Variants in MAN1C1 observed in about 807,000 individuals in gnomAD.
MAN1C1 encodes the protein mannosidase alpha class 1C member 1, also known as mannosyl-oligosaccharide 1,2-alpha-mannosidase IC.
Under a neutral mutation model 71.5 loss-of-function variants are expected in MAN1C1, and 49 were observed. That is an observed-to-expected ratio of 0.69 (90% CI 0.54 to 0.87). The LOEUF (loss-of-function observed/expected upper bound fraction) is 0.87, where lower values mean the gene tolerates loss of function less well. Ranked by LOEUF, MAN1C1 falls within the 40% of genes least tolerant of loss-of-function variation. The pLI is 0.00. For missense variants in MAN1C1, 743 were observed against 835.0 expected (o/e 0.89, Z 1.36); for synonymous variants, 352 against 343.7 (o/e 1.02, Z -0.27).
intron 1 of MAN1C1, among the ~76,000 whole-genome samples, chr1:25,650,427 G>A (rs542296516): frequency 2.2e-4 from 34 of 152,260 alleles, no homozygotes; most frequent in African/African-American, 7.9e-4. Flanking sequence ...TTGCTCTTCT[G>A]AGGCTGCTGC....
intron 7 of MAN1C1, among the ~76,000 whole-genome samples, chr1:25,767,931 C>T (rs2047468020): frequency 1.1e-5 from 1 of 94,800 alleles, no homozygotes; most frequent in Non-Finnish European, 2.2e-5. Context: ...CCACACAGAC[C>T]CACACACCCA....
At chr1:25,706,384 A>T (rs2046522389) in intron 2 of MAN1C1, among the ~76,000 whole-genome samples, 1 of 152,210 alleles carries the variant, frequency 6.6e-6, no homozygotes, top group African/African-American at 2.4e-5. Flanking sequence ...CTAGGGAACC[A>T]TCCAGAGACG....
At chr1:25,712,851 C>T (rs1305459336) in intron 2 of MAN1C1, among the ~76,000 whole-genome samples, 1 of 152,082 alleles carries the variant, frequency 6.6e-6, no homozygotes, top group Non-Finnish European at 1.5e-5. Flanking sequence ...TGGGGCTGGG[C>T]TCAGGAAAAT....
intron 1 of MAN1C1, among the ~76,000 whole-genome samples, chr1:25,633,114 G>C (rs147888181): frequency 1.5e-3 from 227 of 152,112 alleles, no homozygotes; most frequent in African/African-American, 5.2e-3. Flanking sequence ...ATCCACCATC[G>C]TTGGTCTCCC....
At chr1:25,684,085 G>A (rs1167943631) in intron 1 of MAN1C1, among the ~76,000 whole-genome samples, 2 of 152,080 alleles carry the variant, frequency 1.3e-5, no homozygotes, top group Non-Finnish European at 2.9e-5. Context: ...TCTCTCTCTA[G>A]GTAGGGGGAA....
intron 1 of MAN1C1, among the ~76,000 whole-genome samples, chr1:25,633,549 TCAC>T (rs1557741431): frequency 4.7e-5 from 7 of 148,026 alleles, no homozygotes; most frequent in African/African-American, 5.1e-5. Flanking sequence ...TTTTTTTTTT[TCAC>T]TGTTGTTGCT....
intron 1 of MAN1C1, among the ~76,000 whole-genome samples, chr1:25,661,619 A>T (rs2045850340): frequency 1.3e-5 from 2 of 152,268 alleles, no homozygotes; most frequent in South Asian, 4.2e-4. Context: ...CATAGCTGGG[A>T]ACTCGAGACT....
chr1:25,779,543 A>G lies in MAN1C1; in HGVS notation c.1477+1219A>G, dbSNP rs2047665970. ...CCATAAACAAATAAGAAATCTCAGG[A>G]CTAATAAAAGGCTCGCTATTTGTCT... On this transcript the variant is annotated intron_variant, in intron 9 of 11. Coordinates refer to ENST00000374332, the MANE Select transcript of MAN1C1 (RefSeq NM_020379.4). This position sits in a 1 kb window ranked among gnomAD's most constrained non-coding sequence, Gnocchi z 4.6. Among the ~76,000 whole-genome samples, 1 of 152,234 alleles carries G rather than the reference A, an allele frequency of 6.6e-6. No homozygotes were observed. Among genetic ancestry groups the G allele is most frequent in the Non-Finnish European group, 1.5e-5 (1 of 68,042 alleles).
intron 1 of MAN1C1, among the ~76,000 whole-genome samples, chr1:25,665,750 G>A (rs932318366): frequency 2.6e-5 from 4 of 151,892 alleles, no homozygotes; most frequent in African/African-American, 9.7e-5. Context: ...TTTGAAAATG[G>A]CCCATTAGTA....
intron 2 of MAN1C1, among the ~76,000 whole-genome samples, chr1:25,707,109 A>T (rs2046534348): frequency 6.6e-6 from 1 of 152,230 alleles, no homozygotes. Flanking sequence ...AACTAATCAC[A>T]TGAGTTATTT....
At chr1:25,656,274 T>C (rs1488917568) in intron 1 of MAN1C1, among the ~76,000 whole-genome samples, 1 of 151,676 alleles carries the variant, frequency 6.6e-6, no homozygotes, top group Non-Finnish European at 1.5e-5. Flanking sequence ...ATTTTTTTAT[T>C]TTTAATAGAG....
chr1:25,686,491 GA>G lies in MAN1C1; in HGVS notation c.594del (p.Glu198AspfsTer5), dbSNP rs750247385. On this transcript the variant is annotated frameshift_variant, in exon 2 of 12. Transcript: ENST00000374332. LOFTEE classifies it high-confidence loss of function. ...SYKRYAMGKN[E>X]LRPLTKDGYE... ...TAAGCGTTATGCAATGGGGAAAAAC[GA>G]ACTCCGTCCACTAACAAAAGATGGC... 1.2e-6 allele frequency: 2 copies of G among 1,614,210 alleles called. No individual in the cohort carries two copies. Among genetic ancestry groups the G allele is most frequent in the African/African-American group, 2.7e-5 (2 of 75,050 alleles).
Position 25,764,447 on chromosome 1 carries a change from C to T in MAN1C1, c.1141+480C>T, listed in dbSNP as rs755208166. Among the ~76,000 whole-genome samples the T allele has an allele frequency of 1.7e-4, 26 of 152,076 alleles. No individual in the cohort carries two copies. The highest frequency in any genetic ancestry group is 3.5e-4 in the Non-Finnish European group (24 of 68,014). On this transcript the variant is annotated intron_variant, in intron 7 of 11. Coordinates refer to ENST00000374332, the MANE Select transcript of MAN1C1 (RefSeq NM_020379.4). This position sits in a 1 kb window ranked among gnomAD's most constrained non-coding sequence, Gnocchi z 4.4. ...TTTGTTTTTGAGACAGAGTCTCACT[C>T]TGTCACCCAGGCCGGAGTGCAGTGG...
At chr1:25,667,328 A>T (rs1196856511) in intron 1 of MAN1C1, among the ~76,000 whole-genome samples, 2 of 151,926 alleles carry the variant, frequency 1.3e-5, no homozygotes, top group East Asian at 3.9e-4. Context: ...TACTAAAAAT[A>T]CAAAAATTAG....
chr1:25,644,497 CATATATAT>C (rs1204408970), intron 1 of MAN1C1: 2 of 80,140 alleles, frequency 2.5e-5, no homozygotes, highest in African/African-American at 1.8e-4. Flanking sequence ...GTACCAGAGA[CATATATAT>C]ATATATATAT....
chr1:25,664,328 C>T (rs539302848), intron 1 of MAN1C1, among the ~76,000 whole-genome samples: 2 of 152,114 alleles, frequency 1.3e-5, no homozygotes, highest in Admixed American at 1.3e-4. Flanking sequence ...TTTTTAGACA[C>T]CACAATAGTT....
At position 25,764,512 on chromosome 1, in the gene MAN1C1, A is replaced by T. The variant is rs111692876; in HGVS notation, c.1141+545A>T. Among the ~76,000 whole-genome samples the T allele has an allele frequency of 5.3e-5, 8 of 151,962 alleles. No homozygotes were observed. Among genetic ancestry groups the T allele is most frequent in the African/African-American group, 1.9e-4 (8 of 41,460 alleles). On this transcript the variant is annotated intron_variant, in intron 7 of 11. Transcript: ENST00000374332. The surrounding 1 kb of genome is among the most constrained non-coding windows in gnomAD (Gnocchi z 4.4). Reference sequence around the variant, plus strand: ...ACTGCAACCTCTGCCTCCCAGGTTCAAGTGATTCTCCTGACTCAGCCACCC... The same window carrying T: ...ACTGCAACCTCTGCCTCCCAGGTTCTAGTGATTCTCCTGACTCAGCCACCC...
rs2047322057 is a variant in MAN1C1, at chr1:25,758,716, C to G, written c.1047+7C>G. 1.2e-6 allele frequency: 2 copies of G among 1,606,952 alleles called. No individual in the cohort carries two copies. The highest frequency in any genetic ancestry group is 1.7e-6 in the Non-Finnish European group (2 of 1,173,632). On this transcript the variant is annotated splice_region_variant and intron_variant, in intron 6 of 11. Coordinates refer to ENST00000374332, the MANE Select transcript of MAN1C1 (RefSeq NM_020379.4). ...CCAGGTCTTCGCTGAAAAGGCAAGT[C>G]TCCTCCCCACCCTTCTTCCTGCGGA...
At chr1:25,759,953 C>G (rs1175912071) in intron 6 of MAN1C1, 1 of 152,226 alleles carries the variant, frequency 6.6e-6, no homozygotes, top group Non-Finnish European at 1.5e-5. Context: ...GAAACTCCCC[C>G]ATTTGAAAGT....
Sources: allele counts gnomAD v4.1 joint callset (sites outside exome capture counted in the v4.1 genomes callset), GRCh38; gene constraint gnomAD v4.1.1; non-coding constraint Gnocchi (gnomAD v3.1); transcripts MANE v1.5; gene names NCBI Gene and HGNC (gene_info 2026-07-23, HGNC 2026-07-21).